Variants in RBFOX1 observed in about 807,000 individuals in gnomAD.
RBFOX1 encodes the protein RNA binding fox-1 homolog 1, also known as RNA binding protein fox-1 homolog 1.
In RBFOX1, 8 loss-of-function variants were observed where a neutral mutation model predicts 57.7. The observed-to-expected ratio is 0.14, with a 90% CI of 0.08 to 0.25. The LOEUF is 0.25. Among genes scored for constraint, RBFOX1 ranks in the 10% least tolerant of loss-of-function variants. The probability of loss-of-function intolerance (pLI) is 1.00; values close to 1 mark genes in which losing one functional copy is unlikely to be tolerated. For missense variants in RBFOX1, 611 were observed against 548.5 expected, an observed-to-expected ratio of 1.11 and a Z score of -1.14; for synonymous variants, 326 against 222.4, an observed-to-expected ratio of 1.47 and a Z score of -4.15.
chr16:5,634,226 G>C (rs2048611433), intron 3 of RBFOX1, among the ~76,000 whole-genome samples: 2 of 152,184 alleles, frequency 1.3e-5, no homozygotes, highest in African/African-American at 4.8e-5. Context: ...ACAGCTACTG[G>C]TTCAGTACTG....
At chr16:7,698,360 G>T (rs952043816) in intron 14 of RBFOX1, among the ~76,000 whole-genome samples, 1 of 151,962 alleles carries the variant, frequency 6.6e-6, no homozygotes, top group East Asian at 1.9e-4. Flanking sequence ...CAACCATGTG[G>T]GGTGAGGGTA....
chr16:6,866,719 T>C (rs2059995493), intron 3 of RBFOX1, among the ~76,000 whole-genome samples: 1 of 151,738 alleles, frequency 6.6e-6, no homozygotes, highest in Admixed American at 6.6e-5. Flanking sequence ...TTTTTTTGTA[T>C]TTTTAGTAGA....
intron 4 of RBFOX1, among the ~76,000 whole-genome samples, chr16:7,493,173 C>T (rs527691341): frequency 1.1e-4 from 17 of 152,296 alleles, no homozygotes; most frequent in South Asian, 4.1e-4. Flanking sequence ...AGCCACTGTG[C>T]GCAGCCTTAA....
At chr16:7,212,829 G>C (rs9927891) in intron 4 of RBFOX1, among the ~76,000 whole-genome samples, 2 of 152,100 alleles carry the variant, frequency 1.3e-5, no homozygotes, top group African/African-American at 2.4e-5. Flanking sequence ...CCAGAACTTA[G>C]AGTAAAATCA....
intron 3 of RBFOX1, among the ~76,000 whole-genome samples, chr16:6,747,944 A>T (rs1457162220): frequency 2.0e-5 from 3 of 152,148 alleles, no homozygotes; most frequent in African/African-American, 7.2e-5. Flanking sequence ...CATCATGAGG[A>T]TTGGCCTTTG....
At chr16:7,545,223 T>C (rs779129831) in intron 5 of RBFOX1, among the ~76,000 whole-genome samples, 28 of 152,182 alleles carry the variant, frequency 1.8e-4, no homozygotes, top group Non-Finnish European at 3.7e-4. Flanking sequence ...TTTGTGGAGA[T>C]TGACAGGCAA....
At chr16:6,258,998 T>C (rs1360882456) in intron 1 of RBFOX1, among the ~76,000 whole-genome samples, 1 of 152,208 alleles carries the variant, frequency 6.6e-6, no homozygotes, top group African/African-American at 2.4e-5. Flanking sequence ...TGATACAGAA[T>C]AACAAGATAT....
chr16:7,196,864 A>G (rs1185006056), intron 4 of RBFOX1, among the ~76,000 whole-genome samples: 1 of 152,176 alleles, frequency 6.6e-6, no homozygotes, highest in African/African-American at 2.4e-5. Context: ...GGAAAAGGAA[A>G]TGGAATTCTG....
chr16:7,702,957 GT>G (rs2081253633), intron 14 of RBFOX1, among the ~76,000 whole-genome samples: 1 of 152,210 alleles, frequency 6.6e-6, no homozygotes. Context: ...ACCTTCTGAT[GT>G]CCCCCTTCTT....
At chr16:5,389,221 G>A (rs1363320190) in intron 1 of RBFOX1, among the ~76,000 whole-genome samples, 1 of 150,184 alleles carries the variant, frequency 6.7e-6, no homozygotes, top group African/African-American at 2.5e-5. Context: ...ATAAAGGTAA[G>A]GTATGATTTT....
At chr16:5,719,084 T>C (rs1374947661) in intron 3 of RBFOX1, among the ~76,000 whole-genome samples, 3 of 152,172 alleles carry the variant, frequency 2.0e-5, no homozygotes, top group Non-Finnish European at 4.4e-5. Context: ...TTAACTGTTA[T>C]GAAGATGACC....
chr16:7,346,506 C>G (rs1474651200), intron 4 of RBFOX1, among the ~76,000 whole-genome samples: 1 of 151,970 alleles, frequency 6.6e-6, no homozygotes, highest in African/African-American at 2.4e-5. Context: ...AGCATTGGTT[C>G]TAAACTCCCA....
chr16:5,698,730 A>G (rs2050927780), intron 3 of RBFOX1, among the ~76,000 whole-genome samples: 1 of 152,220 alleles, frequency 6.6e-6, no homozygotes, highest in Admixed American at 6.5e-5. Context: ...AATAATCAAA[A>G]CATGGTATGT....
At chr16:6,633,109 G>A (rs1289582330) in intron 2 of RBFOX1, among the ~76,000 whole-genome samples, 3 of 152,266 alleles carry the variant, frequency 2.0e-5, no homozygotes, top group Non-Finnish European at 2.9e-5. Flanking sequence ...AAGTTGCAGC[G>A]ATTGTGCCCA....
At chr16:6,933,878 T>C (rs998889255) in intron 3 of RBFOX1, among the ~76,000 whole-genome samples, 12 of 152,226 alleles carry the variant, frequency 7.9e-5, no homozygotes, top group African/African-American at 2.7e-4. Context: ...TATTTTGTTT[T>C]GTCAAAACAA....
chr16:5,471,746 C>A (rs1210742155), intron 2 of RBFOX1, among the ~76,000 whole-genome samples: 3 of 152,210 alleles, frequency 2.0e-5, no homozygotes, highest in Non-Finnish European at 4.4e-5. Context: ...GGCAATAATT[C>A]TCTGACCTTT....
chr16:6,831,088 G>T (rs946011185), intron 3 of RBFOX1, among the ~76,000 whole-genome samples: 1 of 152,126 alleles, frequency 6.6e-6, no homozygotes, highest in Non-Finnish European at 1.5e-5. Flanking sequence ...CTAAAGTAAA[G>T]CTGGATAGAT....
At chr16:7,685,706 C>A (rs749074120) in intron 14 of RBFOX1, among the ~76,000 whole-genome samples, 1 of 152,074 alleles carries the variant, frequency 6.6e-6, no homozygotes, top group African/African-American at 2.4e-5. Flanking sequence ...AAATTAAATG[C>A]ATTTAAAAAT....
intron 4 of RBFOX1, among the ~76,000 whole-genome samples, chr16:7,406,312 A>C (rs1369663711): frequency 6.6e-6 from 1 of 152,138 alleles, no homozygotes. Context: ...TCCTTACAGA[A>C]ATAATGTTGA....
Sources: gnomAD v4.1 joint callset for allele counts (sites outside exome capture counted in the v4.1 genomes callset) on GRCh38, gnomAD v4.1.1 for gene constraint, MANE v1.5 for transcripts, NCBI Gene and HGNC (gene_info 2026-07-23, HGNC 2026-07-21) for gene names.